RAI2: variants seen among roughly 807,000 people sequenced by gnomAD.
RAI2 encodes retinoic acid induced 2, also known as retinoic acid-induced protein 2.
Under a neutral mutation model 15.3 loss-of-function variants are expected in RAI2, and 5 were observed. The observed-to-expected ratio is 0.33, with a 90% CI of 0.17 to 0.69. The LOEUF is 0.69. Among genes scored for constraint, RAI2 ranks in the 30% least tolerant of loss-of-function variants. The pLI, the probability that RAI2 is intolerant of heterozygous loss-of-function variation, is 0.69. For synonymous variants in RAI2, 191 were observed against 184.0 expected (o/e 1.04, Z -0.31); for missense variants, 424 against 424.7 (o/e 1.00, Z 0.01).
rs1425657107 is a variant in RAI2, at chrX:17,800,672, C to T, written c.1339G>A (p.Val447Met). 19 of 1,211,394 alleles carry T rather than the reference C, an allele frequency of 1.6e-5. No individual in the cohort carries two copies. Among genetic ancestry groups the T allele is most frequent in the Non-Finnish European group, 2.0e-5 (18 of 895,318 alleles). ...ATCTTGCCACAGAATATGGTAGGCA[C>T]AGCATCTTCGACAGAGACAATGACC... is the stretch of plus-strand genomic sequence containing the variant. ...AKVIVSVEDAVPTIFCGKIKG... is the reference protein window; with the variant it reads ...AKVIVSVEDAMPTIFCGKIKG... Residue 447 changes from valine (V) to methionine (M), a missense_variant, in exon 2 of 2, where the codon GTG (valine) becomes ATG (methionine). Transcript: ENST00000451717.
chrX:17,824,515 G>A (rs1270496708), intron 1 of RAI2, among the ~76,000 whole-genome samples: 1 of 112,157 alleles, frequency 8.9e-6, no homozygotes, highest in African/African-American at 3.2e-5. Flanking sequence ...CTAGGTAGGA[G>A]AAAGCTGACA....
intron 1 of RAI2, among the ~76,000 whole-genome samples, chrX:17,803,345 A>G (rs2066940982): frequency 9.1e-6 from 1 of 109,874 alleles, no homozygotes; most frequent in Non-Finnish European, 1.9e-5. Flanking sequence ...GGCCAACATG[A>G]TGAAATCCCA....
At chrX:17,824,306 G>A (rs2067203120) in intron 1 of RAI2, among the ~76,000 whole-genome samples, 1 of 112,346 alleles carries the variant, frequency 8.9e-6, no homozygotes, top group Admixed American at 9.4e-5. Flanking sequence ...GAGATCCAAG[G>A]GCTATAGAAG....
chrX:17,801,437 A>G lies in RAI2; in HGVS notation c.574T>C (p.Phe192Leu), dbSNP rs2066909548. 1.7e-6 allele frequency: 2 copies of G among 1,160,119 alleles called. No individual in the cohort carries two copies. Among genetic ancestry groups the G allele is most frequent in the Non-Finnish European group, 2.3e-6 (2 of 870,111 alleles). The change falls in exon 2 of 2, where the codon TTT becomes CTT. Residue 192 changes from phenylalanine to leucine, a missense_variant. Transcript: ENST00000451717. ...LPFEAVLQNL[F>L]PSQGTLGPPP... Reference sequence around the variant, plus strand: ...GGCCCGAGAGTGCCCTGGGAGGGAAACAAATTCTGGAGCACAGCTTCAAAT... The same window carrying G: ...GGCCCGAGAGTGCCCTGGGAGGGAAGCAAATTCTGGAGCACAGCTTCAAAT...
At chrX:17,852,781 A>C (rs1290006845) in intron 1 of RAI2, among the ~76,000 whole-genome samples, 1 of 111,959 alleles carries the variant, frequency 8.9e-6, no homozygotes, top group Non-Finnish European at 1.9e-5. Flanking sequence ...CAAGGAAACA[A>C]ATGTGTGTAA....
chrX:17,819,510 C>G (rs1300249782), intron 1 of RAI2, among the ~76,000 whole-genome samples: 2 of 112,229 alleles, frequency 1.8e-5, no homozygotes, highest in East Asian at 5.6e-4. Flanking sequence ...AAATGAAAAC[C>G]TATATTCATA....
chrX:17,816,085 T>A (rs1183818266), intron 1 of RAI2, among the ~76,000 whole-genome samples: 2 of 104,501 alleles, frequency 1.9e-5, no homozygotes, highest in Admixed American at 1.0e-4. Flanking sequence ...CCCCACTTAC[T>A]CCCTCTCACA....
At chrX:17,818,177 C>T (rs960450313) in intron 1 of RAI2, among the ~76,000 whole-genome samples, 1 of 112,325 alleles carries the variant, frequency 8.9e-6, no homozygotes, top group African/African-American at 3.2e-5. Context: ...CTGCAATAAA[C>T]GTCAGAGCTG....
chrX:17,842,579 A>G (rs952196529), intron 1 of RAI2, among the ~76,000 whole-genome samples: 1 of 109,288 alleles, frequency 9.2e-6, no homozygotes, highest in African/African-American at 3.3e-5. Flanking sequence ...AGTTTTGAGA[A>G]AATCAATTTA....
intron 1 of RAI2, among the ~76,000 whole-genome samples, chrX:17,842,420 C>T (rs1368887813): frequency 2.7e-5 from 3 of 111,348 alleles, no homozygotes; most frequent in Admixed American, 9.5e-5. Flanking sequence ...TAAGGAACTG[C>T]TAGGTTCCAC....
intron 1 of RAI2, among the ~76,000 whole-genome samples, chrX:17,844,191 T>C (rs1298634855): frequency 8.9e-6 from 1 of 112,460 alleles, no homozygotes. Context: ...AGAATGCACA[T>C]AGAAAAATAC....
At position 17,841,324 on chromosome X, in the gene RAI2, G is replaced by T. The variant is rs2067394847; in HGVS notation, c.-25+19774C>A. Among the ~76,000 whole-genome samples the T allele has an allele frequency of 2.7e-5, 3 of 112,017 alleles. No homozygotes were observed. In the South Asian group the frequency reaches 1.1e-3, roughly 42 times the overall value. On this transcript the variant is annotated intron_variant, in intron 1 of 1. Transcript: ENST00000451717. ...ACGCATCTAACTCAAACTAAAAGCTGCAGACAAGAAGCTGTACCATGCATA... is the reference window on the plus strand; with the variant it reads ...ACGCATCTAACTCAAACTAAAAGCTTCAGACAAGAAGCTGTACCATGCATA...
chrX:17,832,099 A>C (rs1601922459), intron 1 of RAI2, among the ~76,000 whole-genome samples: 1 of 112,287 alleles, frequency 8.9e-6, no homozygotes, highest in Admixed American at 9.4e-5. Flanking sequence ...TGTTGTTACC[A>C]ATCTATCCCC....
intron 1 of RAI2, among the ~76,000 whole-genome samples, chrX:17,809,760 C>T: frequency 9.0e-6 from 1 of 110,597 alleles, no homozygotes; most frequent in South Asian, 3.9e-4. Context: ...GCCCAACCTA[C>T]CCCTTCTGGG....
intron 1 of RAI2, among the ~76,000 whole-genome samples, chrX:17,804,568 G>A (rs2066957170): frequency 8.9e-6 from 1 of 112,233 alleles, no homozygotes; most frequent in African/African-American, 3.2e-5. Flanking sequence ...AAGGGAAGCT[G>A]CAGTAGGACT....
chrX:17,800,909 C>A lies in RAI2; in HGVS notation c.1102G>T (p.Asp368Tyr). 1 of 1,211,205 alleles carries A rather than the reference C, an allele frequency of 8.3e-7. No individual in the cohort carries two copies. The highest frequency in any genetic ancestry group is 1.1e-6 in the Non-Finnish European group (1 of 895,279). ...ETLYDSGASV[D>Y]SSGHTVMEKL... ...TCCATCACTGTGTGACCTGAGCTGTCCACTGATGCACCACTGTCATACAGT... is the reference window on the plus strand; with the variant it reads ...TCCATCACTGTGTGACCTGAGCTGTACACTGATGCACCACTGTCATACAGT... The change falls in exon 2 of 2, where the codon GAC becomes TAC. Residue 368 changes from aspartate to tyrosine, a missense_variant. Physicochemically the swap from Asp to Tyr is radical, Grantham distance 160 (BLOSUM62 -3). Coordinates refer to ENST00000451717, the MANE Select transcript of RAI2 (RefSeq NM_021785.6).
chrX:17,815,025 G>C (rs914847950), intron 1 of RAI2, among the ~76,000 whole-genome samples: 5 of 110,315 alleles, frequency 4.5e-5, no homozygotes, highest in Non-Finnish European at 7.6e-5. Context: ...TCATCTTTTA[G>C]ACAGGGAAGC....
chrX:17,805,340 C>T (rs760714033), intron 1 of RAI2, among the ~76,000 whole-genome samples: 41 of 112,905 alleles, frequency 3.6e-4, no homozygotes, highest in Non-Finnish European at 1.9e-5. Context: ...AACTGTTGTT[C>T]TTTTTTCCCC....
intron 1 of RAI2, among the ~76,000 whole-genome samples, chrX:17,846,711 C>T (rs1433631663): frequency 4.5e-5 from 5 of 111,345 alleles, no homozygotes; most frequent in Non-Finnish European, 7.5e-5. Flanking sequence ...AGGGGAGGCC[C>T]AGATACCCAC....
Sources: allele counts gnomAD v4.1 joint callset (sites outside exome capture counted in the v4.1 genomes callset), GRCh38; gene constraint gnomAD v4.1.1; transcripts MANE v1.5; gene names NCBI Gene and HGNC (gene_info 2026-07-23, HGNC 2026-07-21).